The following LDB2 variants were observed in gnomAD, a reference collection of about 807,000 sequenced individuals.
LDB2 encodes LIM domain-binding protein 2.
In LDB2, 12 loss-of-function variants were observed where a neutral mutation model predicts 44.3. The observed-to-expected ratio is 0.27, with a 90% CI of 0.17 to 0.44. The LOEUF (loss-of-function observed/expected upper bound fraction) is 0.44, where lower values mean the gene tolerates loss of function less well. Among genes scored for constraint, LDB2 ranks in the 20% least tolerant of loss-of-function variants. LDB2 has a pLI of 1.00. For missense variants in LDB2, 344 were observed against 473.5 expected (o/e 0.73, Z 2.54); for synonymous variants, 164 against 174.8 (o/e 0.94, Z 0.49).
intron 5 of LDB2, among the ~76,000 whole-genome samples, chr4:16,551,249 C>G (rs114643692): frequency 0.01 from 1,590 of 152,182 alleles, 21 homozygotes; most frequent in African/African-American, 0.036. Context: ...TTCCAAAATG[C>G]TGAGATTTTT....
At chr4:16,653,438 C>T (rs982952327) in intron 2 of LDB2, among the ~76,000 whole-genome samples, 1 of 152,170 alleles carries the variant, frequency 6.6e-6, no homozygotes, top group African/African-American at 2.4e-5. Flanking sequence ...GGGATCATTT[C>T]CTGTAAACGA....
At chr4:16,732,247 A>G (rs1190088669) in intron 2 of LDB2, among the ~76,000 whole-genome samples, 1 of 152,156 alleles carries the variant, frequency 6.6e-6, no homozygotes, top group African/African-American at 2.4e-5. Context: ...GCTTTCTTTT[A>G]TTAATGCAAA....
At chr4:16,568,322 T>A (rs1745261712) in intron 5 of LDB2, among the ~76,000 whole-genome samples, 1 of 152,146 alleles carries the variant, frequency 6.6e-6, no homozygotes, top group Admixed American at 6.5e-5. Flanking sequence ...AGATATCGAG[T>A]AGCTTAAACG....
At chr4:16,847,783 A>AT (rs1286022688) in intron 1 of LDB2, among the ~76,000 whole-genome samples, 1 of 152,056 alleles carries the variant, frequency 6.6e-6, no homozygotes, top group Non-Finnish European at 1.5e-5. Flanking sequence ...TGCCCAGCTA[A>AT]TTTTTTGTAT....
intron 1 of LDB2, among the ~76,000 whole-genome samples, chr4:16,797,027 A>T (rs907861953): frequency 6.6e-6 from 1 of 152,214 alleles, no homozygotes; most frequent in African/African-American, 2.4e-5. Flanking sequence ...AAATATTATG[A>T]AAAAACTGAA....
At position 16,739,619 on chromosome 4, in the gene LDB2, C is replaced by T. The variant is rs56113046; in HGVS notation, c.235+19539G>A. Among the ~76,000 whole-genome samples, 260 of 40,146 alleles carry T rather than the reference C, an allele frequency of 6.5e-3. 11 individuals carry two copies. The highest frequency in any genetic ancestry group is 0.024 in the African/African-American group (194 of 8,222). The allele number at this position is 40,146 out of a possible 152,430, so 26.3% of individuals were successfully genotyped here. On this transcript the variant is annotated intron_variant, in intron 2 of 7. Transcript: ENST00000304523. Reference sequence around the variant, plus strand: ...ATATATATATATATATGTATATATACATGTGTGTGTATATATGTATATATA... The same window carrying T: ...ATATATATATATATATGTATATATATATGTGTGTGTATATATGTATATATA...
chr4:16,820,985 G>GT (rs918720054), intron 1 of LDB2, among the ~76,000 whole-genome samples: 28 of 151,932 alleles, frequency 1.8e-4, no homozygotes, highest in African/African-American at 6.5e-4. Flanking sequence ...AATGTTTACA[G>GT]TTTTTTTTAA....
chr4:16,674,430 C>A (rs1438906557), intron 2 of LDB2: 1 of 441,034 alleles, frequency 2.3e-6, no homozygotes, highest in South Asian at 1.7e-5. Context: ...TTCAGGAGCA[C>A]CCATCATTCA....
chr4:16,885,674 T>C (rs999746609), intron 1 of LDB2, among the ~76,000 whole-genome samples: 1 of 152,206 alleles, frequency 6.6e-6, no homozygotes, highest in Non-Finnish European at 1.5e-5. Flanking sequence ...CAGTATGAAT[T>C]GTGCTAAAAT....
At position 16,582,267 on chromosome 4, in the gene LDB2, C is replaced by T. The variant is rs1714992280; in HGVS notation, c.615+3655G>A. On this transcript the variant is annotated intron_variant, in intron 5 of 7. Coordinates refer to ENST00000304523, the MANE Select transcript of LDB2 (RefSeq NM_001290.5). This position sits in a 1 kb window ranked among gnomAD's most constrained non-coding sequence, Gnocchi z 4.8. Reference sequence around the variant, plus strand: ...GTGTCAGAAATGCTTGTGAAATGAACAATGAATAAATGGGCAAACAGGATC... The same window carrying T: ...GTGTCAGAAATGCTTGTGAAATGAATAATGAATAAATGGGCAAACAGGATC... Among the ~76,000 whole-genome samples, 1 of 152,142 alleles carries T rather than the reference C, an allele frequency of 6.6e-6. No homozygotes were observed. The highest frequency in any genetic ancestry group is 2.1e-4 in the South Asian group (1 of 4,822).
intron 2 of LDB2, among the ~76,000 whole-genome samples, chr4:16,687,614 A>C (rs1467765621): frequency 1.3e-5 from 2 of 152,322 alleles, no homozygotes; most frequent in African/African-American, 4.8e-5. Flanking sequence ...CTAGAAACCA[A>C]ACACTATCAG....
intron 2 of LDB2, among the ~76,000 whole-genome samples, chr4:16,709,872 C>T (rs1030651164): frequency 6.6e-6 from 1 of 152,086 alleles, no homozygotes; most frequent in Non-Finnish European, 1.5e-5. Flanking sequence ...TCCAGTTCAC[C>T]AGGTTCTCTA....
At chr4:16,858,332 G>A (rs1031955612) in intron 1 of LDB2, among the ~76,000 whole-genome samples, 1 of 152,182 alleles carries the variant, frequency 6.6e-6, no homozygotes, top group African/African-American at 2.4e-5. Context: ...ATAAATGCAA[G>A]GAATTCCTGT....
At chr4:16,605,476 A>C (rs1231088211) in intron 2 of LDB2, among the ~76,000 whole-genome samples, 1 of 152,024 alleles carries the variant, frequency 6.6e-6, no homozygotes, top group African/African-American at 2.4e-5. Flanking sequence ...AAAAAACAAA[A>C]AAACAAAAAA....
At chr4:16,771,713 C>T (rs1384521997) in intron 1 of LDB2, among the ~76,000 whole-genome samples, 4 of 152,210 alleles carry the variant, frequency 2.6e-5, no homozygotes, top group Non-Finnish European at 4.4e-5. Context: ...ACCTCCAACA[C>T]ATGAATGGAA....
intron 2 of LDB2, among the ~76,000 whole-genome samples, chr4:16,608,479 G>T (rs940842113): frequency 6.6e-6 from 1 of 152,146 alleles, no homozygotes. Context: ...ACATTGCCTG[G>T]GCACCAGCTG....
intron 2 of LDB2, among the ~76,000 whole-genome samples, chr4:16,667,369 C>T (rs1451745000): frequency 1.3e-5 from 2 of 152,168 alleles, no homozygotes; most frequent in Non-Finnish European, 2.9e-5. Flanking sequence ...TGTTCTACAC[C>T]ATCCTCTTGA....
chr4:16,636,040 G>A (rs1179406223), intron 2 of LDB2, among the ~76,000 whole-genome samples: 8 of 152,328 alleles, frequency 5.3e-5, no homozygotes, highest in East Asian at 1.9e-4. Context: ...GATGGGCCAT[G>A]TAGAACATTT....
chr4:16,837,382 G>A lies in LDB2; in HGVS notation c.132+60972C>T, dbSNP rs185009988. ...AATAAAATAATAACTTATTATTTAG[G>A]TCAGGGTCAGTGGTTGTTACAGTGA... is the stretch of plus-strand genomic sequence containing the variant. On this transcript the variant is annotated intron_variant, in intron 1 of 7. Transcript: ENST00000304523. Among the ~76,000 whole-genome samples, 7 of 152,228 alleles carry A rather than the reference G, an allele frequency of 4.6e-5. No individual in the cohort carries two copies. The East Asian group carries it at 1.3e-3, about 29-fold the overall frequency.
Sources: allele counts gnomAD v4.1 joint callset (sites outside exome capture counted in the v4.1 genomes callset), GRCh38; gene constraint gnomAD v4.1.1; non-coding constraint Gnocchi (gnomAD v3.1); transcripts MANE v1.5; gene names NCBI Gene and HGNC (gene_info 2026-07-23, HGNC 2026-07-21).